The following TRAF7 variants were observed in gnomAD, a reference collection of about 807,000 sequenced individuals.
TRAF7 encodes TNF receptor associated factor 7, also known as E3 ubiquitin-protein ligase TRAF7.
In TRAF7, 45 loss-of-function variants were observed where a neutral mutation model predicts 89.3. The ratio of observed to expected loss-of-function variants is 0.50; its 90% CI spans 0.40 to 0.65. The LOEUF (loss-of-function observed/expected upper bound fraction) is 0.65. Ranked by LOEUF, TRAF7 falls within the 30% of genes least tolerant of loss-of-function variation. The probability of loss-of-function intolerance (pLI) is 0.00; values close to 1 mark genes in which losing one functional copy is unlikely to be tolerated. For synonymous variants in TRAF7, 406 were observed against 369.2 expected (o/e 1.10, Z -1.14); for missense variants, 677 against 918.1 (o/e 0.74, Z 3.39).
chr16:2,176,755 G>A lies in TRAF7; in HGVS notation c.*181G>A. The A allele has an allele frequency of 1.1e-6, 1 of 872,268 alleles. No homozygotes were observed. Among genetic ancestry groups the A allele is most frequent in the Non-Finnish European group, 1.8e-6 (1 of 554,032 alleles). The allele number at this position is 872,268 out of a possible 1,614,324, so 54.0% of individuals were successfully genotyped here. On this transcript the variant is annotated 3_prime_UTR_variant, in exon 21 of 21. Coordinates refer to ENST00000326181, the MANE Select transcript of TRAF7 (RefSeq NM_032271.3). ...GGCGAGCCTCCCTCTACTCGGCACTGTCCTTGCTGCCCAGCCCCTCTCTGG... is the reference window on the plus strand; with the variant it reads ...GGCGAGCCTCCCTCTACTCGGCACTATCCTTGCTGCCCAGCCCCTCTCTGG...
chr16:2,173,450 C>T lies in TRAF7; in HGVS notation c.1013-31C>T, dbSNP rs2034449635. ...GGGGCCTGGCCACTGCTCCGGGCAC[C>T]AGTGACACCCCCTCTCCTCCTGCTA... On this transcript the variant is annotated intron_variant, in intron 10 of 20. Coordinates refer to ENST00000326181, the MANE Select transcript of TRAF7 (RefSeq NM_032271.3). 19 of 1,612,686 alleles carry T rather than the reference C, an allele frequency of 1.2e-5. No homozygotes were observed. In the Middle Eastern group the frequency reaches 1.3e-3, roughly 112 times the overall value.
At position 2,158,944 on chromosome 16, in the gene TRAF7, C is replaced by T. The variant is rs992982039; in HGVS notation, c.-39+3086C>T. 2.6e-5 allele frequency among the ~76,000 whole-genome samples: 4 copies of T among 152,150 alleles called. No homozygotes were observed. Among genetic ancestry groups the T allele is most frequent in the African/African-American group, 4.8e-5 (2 of 41,426 alleles). On this transcript the variant is annotated intron_variant, in intron 1 of 20. Coordinates refer to ENST00000326181, the MANE Select transcript of TRAF7 (RefSeq NM_032271.3). This position sits in a 1 kb window ranked among gnomAD's most constrained non-coding sequence, Gnocchi z 4.7. ...ATACTCTCCCCACTCTGGATCCCAG[C>T]AGCCTCATCCTCCAGGAAGCCCTCT...
In TRAF7 at chr16:2,159,067, G is replaced by A. The variant is rs1008715937; in HGVS notation, c.-39+3209G>A. ...AGATGTTGCCAGCCCCCAAGGGGTC[G>A]GAGGGGCAGCAAAAGGCATCCTTAC... On this transcript the variant is annotated intron_variant, in intron 1 of 20. Transcript: ENST00000326181. This position sits in a 1 kb window ranked among gnomAD's most constrained non-coding sequence, Gnocchi z 6.5. 1.3e-5 allele frequency among the ~76,000 whole-genome samples: 2 copies of A among 152,208 alleles called. No homozygotes were observed. Among genetic ancestry groups the A allele is most frequent in the African/African-American group, 2.4e-5 (1 of 41,450 alleles).
intron 12 of TRAF7, 23 bp downstream of exon 12, chr16:2,173,859 T>TGCCCCCCCCCCC: frequency 8.0e-7 from 1 of 1,246,250 alleles, no homozygotes; most frequent in Non-Finnish European, 1.1e-6. Context: ...CCGCCGTGGC[T>TGCCCCCCCCCCC]CCCGCCCACC....
rs1386037832 is a variant in TRAF7, at chr16:2,161,201, C to T, written c.-38-2682C>T. 5.6e-5 allele frequency among the ~76,000 whole-genome samples: 8 copies of T among 141,684 alleles called. No individual in the cohort carries two copies. Among genetic ancestry groups the T allele is most frequent in the Non-Finnish European group, 1.1e-4 (7 of 64,256 alleles). The allele number at this position is 141,684 out of a possible 152,430, so 93.0% of individuals were successfully genotyped here. ...TCCCTCCCTCCTTCCGTCCCCCTCC[C>T]TCCCTCCGTCCCCCTGCTTCCCTCT... On this transcript the variant is annotated intron_variant, in intron 1 of 20. Coordinates refer to ENST00000326181, the MANE Select transcript of TRAF7 (RefSeq NM_032271.3). The surrounding 1 kb of genome is among the most constrained non-coding windows in gnomAD (Gnocchi z 5.2).
chr16:2,170,173 C>T (rs999528479), intron 4 of TRAF7, among the ~76,000 whole-genome samples: 2 of 152,192 alleles, frequency 1.3e-5, no homozygotes, highest in Non-Finnish European at 2.9e-5. Context: ...CAGCCAGGCC[C>T]GGGGGGCACC....
rs1170440666 is a variant in TRAF7 at position 2,177,665 on chromosome 16, GC to G, written c.*1094del. On this transcript the variant is annotated 3_prime_UTR_variant, in exon 21 of 21. Transcript: ENST00000326181. ...AGGCACACCCTCAGAGGAGCTGCAAGCCCGTGGCCTGGCCTGCTACATGCCC... is the reference window on the plus strand; with the variant it reads ...AGGCACACCCTCAGAGGAGCTGCAAGCCGTGGCCTGGCCTGCTACATGCCC... The G allele has an allele frequency of 4.2e-6, 1 of 239,118 alleles. No individual in the cohort carries two copies. Among genetic ancestry groups the G allele is most frequent in the Non-Finnish European group, 8.2e-6 (1 of 121,354 alleles). The allele number at this position is 239,118 out of a possible 1,614,324, so 14.8% of individuals were successfully genotyped here. A position where few individuals can be genotyped will look rare whatever the true frequency, so the allele number is the denominator to read the frequency against.
At position 2,176,171 on chromosome 16, in the gene TRAF7, G is replaced by A. The variant is rs1215549513; in HGVS notation, c.1869G>A (p.Arg623=). The A allele has an allele frequency of 1.9e-6, 3 of 1,606,338 alleles. No homozygotes were observed. In the South Asian group the frequency reaches 3.3e-5, roughly 18 times the overall value. Residue 623 remains arginine, a synonymous_variant, in exon 19 of 21, where the codon CGG becomes CGA. Transcript: ENST00000326181. ...QTKVFSASYD[R]SLRVWSMDNM... ...AAGTCTTCAGTGCATCCTACGACCG[G>A]TCCCTCAGGGTGCGTGCTGGCCCAG...
chr16:2,168,257 G>A lies in TRAF7; in HGVS notation c.231+89G>A. 9.1e-7 allele frequency: 1 copy of A among 1,095,344 alleles called. No homozygotes were observed. Among genetic ancestry groups the A allele is most frequent in the Non-Finnish European group, 1.3e-6 (1 of 757,798 alleles). 67.9% of individuals were successfully genotyped at this position (1,095,344 alleles called of 1,614,324 possible). ...AACCAGGTCCCAGGAGGAGTTGACA[G>A]TGAGCTGGTGAGGCACAGGAGAAGA... On this transcript the variant is annotated intron_variant, in intron 4 of 20. Coordinates refer to ENST00000326181, the MANE Select transcript of TRAF7 (RefSeq NM_032271.3). The surrounding 1 kb of genome is among the most constrained non-coding windows in gnomAD (Gnocchi z 4.1).
Position 2,165,785 on chromosome 16 carries a change from C to T in TRAF7, c.82-94C>T, listed in dbSNP as rs959712729. On this transcript the variant is annotated intron_variant, in intron 2 of 20. Coordinates refer to ENST00000326181, the MANE Select transcript of TRAF7 (RefSeq NM_032271.3). Reference sequence around the variant, plus strand: ...AGTGTGTGAGTGCTGCGTGGCCTGGCCTGGTCGCGTGTTAGGCATGTGAGT... The same window carrying T: ...AGTGTGTGAGTGCTGCGTGGCCTGGTCTGGTCGCGTGTTAGGCATGTGAGT... 1.9e-5 allele frequency: 28 copies of T among 1,455,032 alleles called. No homozygotes were observed. In the African/African-American group the frequency reaches 3.1e-4, roughly 16 times the overall value. The allele number at this position is 1,455,032 out of a possible 1,614,324, so 90.1% of individuals were successfully genotyped here. A position where few individuals can be genotyped will look rare whatever the true frequency, so the allele number is the denominator to read the frequency against.
rs764150694 is a variant in TRAF7, at chr16:2,176,256, T to C, written c.1879-9T>C. The C allele has an allele frequency of 8.1e-6, 13 of 1,600,960 alleles. No individual in the cohort carries two copies. The highest frequency in any genetic ancestry group is 4.0e-5 in the African/African-American group (3 of 74,914). Reference sequence around the variant, plus strand: ...CTCCGGCGGGCCCTCACGTCCCATGTGCCCCCAGGTCTGGAGTATGGACAA... The same window carrying C: ...CTCCGGCGGGCCCTCACGTCCCATGCGCCCCCAGGTCTGGAGTATGGACAA... On this transcript the variant is annotated splice_polypyrimidine_tract_variant and intron_variant, in intron 19 of 20. Coordinates refer to ENST00000326181, the MANE Select transcript of TRAF7 (RefSeq NM_032271.3).
chr16:2,156,404 TC>T (rs2093034768), intron 1 of TRAF7, among the ~76,000 whole-genome samples: 2 of 151,842 alleles, frequency 1.3e-5, no homozygotes, highest in South Asian at 2.1e-4. Context: ...GCGGAACAAC[TC>T]CCCCCATCCC....
chr16:2,172,260 G>T lies in TRAF7; in HGVS notation c.545G>T (p.Gly182Val). 2.5e-6 allele frequency: 4 copies of T among 1,613,002 alleles called. No homozygotes were observed. The highest frequency in any genetic ancestry group is 3.4e-6 in the Non-Finnish European group (4 of 1,180,000). ...VNNIAVAEQI[G>V]ELFIHCRHGC... ...AACATCGCGGTGGCCGAGCAGATCGGGGAGCTCTTCATCCACTGCCGGCAC... is the reference window on the plus strand; with the variant it reads ...AACATCGCGGTGGCCGAGCAGATCGTGGAGCTCTTCATCCACTGCCGGCAC... Residue 182 changes from glycine to valine, a missense_variant, in exon 8 of 21, where the codon GGG (glycine) becomes GTG (valine). Gly to Val is a moderately radical substitution (Grantham distance 109). Transcript: ENST00000326181.
Position 2,164,187 on chromosome 16 carries a change from T to C in TRAF7, c.81+186T>C, listed in dbSNP as rs548972474. ...GCGCGCGCGCGCGCGCGCGCACGCG[T>C]GCGTGTGTGGTTGGGGCGTGTTAGT... is the stretch of plus-strand genomic sequence containing the variant. On this transcript the variant is annotated intron_variant, in intron 2 of 20. Coordinates refer to ENST00000326181, the MANE Select transcript of TRAF7 (RefSeq NM_032271.3). Among the ~76,000 whole-genome samples, 91 of 131,054 alleles carry C rather than the reference T, an allele frequency of 6.9e-4. 1 individual carries two copies. In the Middle Eastern group the frequency reaches 0.022, roughly 32 times the overall value. 86.0% of individuals were successfully genotyped at this position (131,054 alleles called of 152,430 possible). A position where few individuals can be genotyped will look rare whatever the true frequency, so the allele number is the denominator to read the frequency against.
Position 2,176,135 on chromosome 16 carries a change from A to C in TRAF7, c.1833A>C (p.Pro611=). ...TVYALAVIST[P]DQTKVFSASY... is the part of the protein sequence containing the mutation. ...ATGCCCTGGCGGTCATCTCGACGCCAGACCAGACCAAAGTCTTCAGTGCAT... is the reference window on the plus strand; with the variant it reads ...ATGCCCTGGCGGTCATCTCGACGCCCGACCAGACCAAAGTCTTCAGTGCAT... The change falls in exon 19 of 21, where the codon CCA becomes CCC. Residue 611 remains proline, a synonymous_variant. Transcript: ENST00000326181. 1.2e-6 allele frequency: 2 copies of C among 1,610,408 alleles called. No individual in the cohort carries two copies.
intron 17 of TRAF7, 54 bp downstream of exon 17, chr16:2,175,676 C>G (rs532214482): frequency 1.9e-6 from 3 of 1,597,232 alleles, no homozygotes; most frequent in Admixed American, 1.7e-5. Context: ...CCAGCACTTC[C>G]CAGGCCAGCA....
In TRAF7 at chr16:2,177,842, G is replaced by A. The variant is rs2093146710; in HGVS notation, c.*1268G>A. The stretch of plus-strand genomic sequence containing the variant: ...CGCAGAGAACTTAGGAGAGAAGCAC[G>A]GAGGAGCCCCCGGCAGAGCACCCGC... On this transcript the variant is annotated 3_prime_UTR_variant, in exon 21 of 21. Transcript: ENST00000326181. 2 of 269,890 alleles carry A rather than the reference G, an allele frequency of 7.4e-6. No individual in the cohort carries two copies. Among genetic ancestry groups the A allele is most frequent in the Non-Finnish European group, 1.4e-5 (2 of 139,182 alleles). The allele number at this position is 269,890 out of a possible 1,614,324, so 16.7% of individuals were successfully genotyped here.
Position 2,171,314 on chromosome 16 carries a change from C to G in TRAF7, c.399C>G (p.Leu133=), listed in dbSNP as rs1334050923. 6 of 1,556,094 alleles carry G rather than the reference C, an allele frequency of 3.9e-6. No homozygotes were observed. The East Asian group carries it at 1.4e-4, about 37-fold the overall frequency. The stretch of plus-strand genomic sequence containing the variant: ...CCTCGGTGAAGCTGTGCTGTCAGCT[C>G]TGCTGCAGCGTCTTCAAAGACCCCG... ...EQPSVKLCCQ[L]CCSVFKDPVI... The change falls in exon 6 of 21, where the codon CTC becomes CTG. Residue 133 remains leucine (L), a synonymous_variant. Transcript: ENST00000326181.
chr16:2,173,729 T>C (rs1398740367), intron 11 of TRAF7, 59 bp from the exon 12 acceptor site: 1 of 1,602,274 alleles, frequency 6.2e-7, no homozygotes, highest in Non-Finnish European at 8.5e-7. Flanking sequence ...GCAGAGAGGC[T>C]GCACTGGCCC....
Sources: gnomAD v4.1 joint callset for allele counts (sites outside exome capture counted in the v4.1 genomes callset) on GRCh38, gnomAD v4.1.1 for gene constraint, Gnocchi (gnomAD v3.1) non-coding constraint, MANE v1.5 for transcripts, NCBI Gene and HGNC (gene_info 2026-07-23, HGNC 2026-07-21) for gene names.